LAMA2: variants seen among roughly 807,000 people sequenced by gnomAD.
LAMA2 encodes laminin subunit alpha-2.
LAMA2 carries 269 observed loss-of-function variants against 364.8 expected under a neutral mutation model. The observed-to-expected ratio is 0.74, with a 90% CI of 0.67 to 0.82. LAMA2 has a LOEUF of 0.82. Among genes scored for constraint, LAMA2 ranks in the 40% least tolerant of loss-of-function variants. LAMA2 has a pLI of 0.00. For synonymous variants in LAMA2, 1,379 were observed against 1,370.6 expected (o/e 1.01, Z -0.14); for missense variants, 3,807 against 3,873.2 (o/e 0.98, Z 0.45).
intron 32 of LAMA2, among the ~76,000 whole-genome samples, chr6:129,357,680 T>A (rs1299410322): frequency 6.6e-6 from 1 of 152,026 alleles, no homozygotes; most frequent in African/African-American, 2.4e-5. Flanking sequence ...TCTGAAGTTT[T>A]ATCCTATCTT....
Position 129,427,835 on chromosome 6 carries a change from G to C in LAMA2, c.5949G>C (p.Lys1983Asn), listed in dbSNP as rs746291076. 3 of 1,612,392 alleles carry C rather than the reference G, an allele frequency of 1.9e-6. No homozygotes were observed. The Admixed American group carries it at 5.0e-5, about 27-fold the overall frequency. ...TCAGGATTCTTAACGAAGCCAAGAA[G>C]TTAGCAAATGATGTAAAAGGTCAGT... is the stretch of plus-strand genomic sequence containing the variant. ...KSFRILNEAKKLANDVKENED... is the reference protein window; with the variant it reads ...KSFRILNEAKNLANDVKENED... The change falls in exon 41 of 65, where the codon AAG becomes AAC. Residue 1983 changes from lysine (K) to asparagine (N), a missense_variant. Physicochemically the swap from Lys to Asn is moderately conservative, Grantham distance 94 (BLOSUM62 0). This residue lies in a region of LAMA2 where 3,333 missense variants were observed against 3,345.7 expected (regional missense o/e 1.00). Transcript: ENST00000421865.
chr6:129,011,289 A>T (rs1784754287), intron 1 of LAMA2, among the ~76,000 whole-genome samples: 1 of 152,172 alleles, frequency 6.6e-6, no homozygotes, highest in African/African-American at 2.4e-5. Flanking sequence ...AGAGTAACTG[A>T]AATTAACCAC....
intron 28 of LAMA2, among the ~76,000 whole-genome samples, chr6:129,324,460 C>T (rs1775151492): frequency 6.6e-6 from 1 of 152,166 alleles, no homozygotes. Context: ...GCAATTCAAA[C>T]CTCAATGAAT....
At chr6:129,293,421 G>A (rs551558187) in intron 20 of LAMA2, among the ~76,000 whole-genome samples, 89 of 152,288 alleles carry the variant, frequency 5.8e-4, no homozygotes, top group African/African-American at 2.1e-3. Flanking sequence ...ATGAACAAAT[G>A]AAGGAAAATC....
chr6:129,099,135 T>TTG (rs1554217836), intron 4 of LAMA2, among the ~76,000 whole-genome samples: 21 of 149,898 alleles, frequency 1.4e-4, no homozygotes, highest in African/African-American at 4.6e-4. Context: ...GTTTTTTTTT[T>TTG]TTTTGTTTTC....
chr6:129,110,206 A>C (rs753542776), intron 4 of LAMA2, among the ~76,000 whole-genome samples: 2 of 152,092 alleles, frequency 1.3e-5, no homozygotes, highest in African/African-American at 2.4e-5. Flanking sequence ...TTCAGGTCCC[A>C]ATTCTGAAGT....
In LAMA2 at chr6:129,165,702, C is replaced by T. The variant is rs373372091; in HGVS notation, c.1306+27C>T. 2.8e-6 allele frequency: 4 copies of T among 1,412,614 alleles called. No individual in the cohort carries two copies. The African/African-American group carries it at 5.6e-5, about 20-fold the overall frequency. The allele number at this position is 1,412,614 out of a possible 1,614,324, so 87.5% of individuals were successfully genotyped here. A position where few individuals can be genotyped will look rare whatever the true frequency, so the allele number is the denominator to read the frequency against. On this transcript the variant is annotated intron_variant, in intron 9 of 64. Transcript: ENST00000421865. ...TGAGAGCTGCAGCAGAATGTCACTGCTCTGATAAAAGGACAACTAAAAGCC... is the reference window on the plus strand; with the variant it reads ...TGAGAGCTGCAGCAGAATGTCACTGTTCTGATAAAAGGACAACTAAAAGCC...
intron 22 of LAMA2, among the ~76,000 whole-genome samples, chr6:129,304,528 G>T (rs1328530391): frequency 1.3e-5 from 2 of 152,196 alleles, no homozygotes; most frequent in Non-Finnish European, 2.9e-5. Context: ...CTCCCAAAAT[G>T]CTAGGATTAC....
chr6:129,225,756 A>G (rs1784210946), intron 12 of LAMA2, among the ~76,000 whole-genome samples: 1 of 152,156 alleles, frequency 6.6e-6, no homozygotes, highest in South Asian at 2.1e-4. Context: ...ACTTCCAACT[A>G]TGTGGTCAAT....
intron 1 of LAMA2, among the ~76,000 whole-genome samples, chr6:129,038,842 G>T (rs1049735444): frequency 6.6e-6 from 1 of 152,214 alleles, no homozygotes; most frequent in African/African-American, 2.4e-5. Flanking sequence ...GAGGATGAAT[G>T]TTGGACAGCC....
At chr6:129,103,095 C>G (rs746198691) in intron 4 of LAMA2, among the ~76,000 whole-genome samples, 1 of 152,312 alleles carries the variant, frequency 6.6e-6, no homozygotes, top group East Asian at 1.9e-4. Flanking sequence ...GCTGTCACAA[C>G]GTACCAATCA....
At chr6:129,371,563 T>G (rs1206066691) in intron 34 of LAMA2, among the ~76,000 whole-genome samples, 1 of 151,904 alleles carries the variant, frequency 6.6e-6, no homozygotes, top group Non-Finnish European at 1.5e-5. Context: ...CTCATTGGCT[T>G]AGTATAGTCT....
chr6:129,427,924 C>G, intron 41 of LAMA2, 70 bp downstream of exon 41: 1 of 925,260 alleles, frequency 1.1e-6, no homozygotes, highest in Non-Finnish European at 1.8e-6. Context: ...TTCTATCACA[C>G]TATTGGAGAA....
chr6:129,162,925 A>G (rs1176289439), intron 8 of LAMA2, among the ~76,000 whole-genome samples: 2 of 151,822 alleles, frequency 1.3e-5, no homozygotes, highest in African/African-American at 4.9e-5. Flanking sequence ...GAATGAAGAG[A>G]GTCTTTATAT....
chr6:128,905,446 C>G (rs77330061), intron 1 of LAMA2: 3,452 of 152,108 alleles, frequency 0.023, 46 homozygotes, highest in Non-Finnish European at 0.028. Context: ...TTTGTTTCAA[C>G]TGTTCTTGAG....
At chr6:128,923,080 G>T (rs1381397116) in intron 1 of LAMA2, among the ~76,000 whole-genome samples, 2 of 145,222 alleles carry the variant, frequency 1.4e-5, no homozygotes, top group Admixed American at 6.9e-5. Context: ...CTCTGTTTTG[G>T]TACCAGTACC....
At chr6:129,431,291 C>T (rs1346863061) in intron 41 of LAMA2, among the ~76,000 whole-genome samples, 9 of 150,912 alleles carry the variant, frequency 6.0e-5, no homozygotes, top group Admixed American at 3.3e-4. Flanking sequence ...CCCAGCTACT[C>T]AGGAGGCTGA....
intron 37 of LAMA2, among the ~76,000 whole-genome samples, chr6:129,398,466 T>C (rs1779780118): frequency 1.5e-5 from 2 of 137,726 alleles, no homozygotes; most frequent in Non-Finnish European, 1.5e-5. Context: ...TTCTTTCTTT[T>C]CTTTTCTTTT....
chr6:129,284,119 C>A (rs1312029880), intron 18 of LAMA2, among the ~76,000 whole-genome samples: 1 of 152,098 alleles, frequency 6.6e-6, no homozygotes, highest in African/African-American at 2.4e-5. Flanking sequence ...GTAAAAGGCA[C>A]CATGTGAGCA....
Sources: allele counts gnomAD v4.1 joint callset (sites outside exome capture counted in the v4.1 genomes callset), GRCh38; gene constraint gnomAD v4.1.1; regional missense constraint gnomAD v4.1.1; transcripts MANE v1.5; gene names NCBI Gene and HGNC (gene_info 2026-07-23, HGNC 2026-07-21).